KCNH7: variants seen among roughly 807,000 people sequenced by gnomAD.
KCNH7 encodes voltage-gated inwardly rectifying potassium channel KCNH7.
KCNH7 carries 49 observed loss-of-function variants against 120.8 expected under a neutral mutation model. The ratio of observed to expected loss-of-function variants is 0.41; its 90% CI spans 0.32 to 0.51. The LOEUF (loss-of-function observed/expected upper bound fraction) is 0.51, where lower values mean the gene tolerates loss of function less well. Ranked by LOEUF, KCNH7 falls within the 20% of genes least tolerant of loss-of-function variation. The pLI is 0.38. For synonymous variants in KCNH7, 547 were observed against 516.1 expected (o/e 1.06, Z -0.81); for missense variants, 1,097 against 1,446.6 (o/e 0.76, Z 3.92).
chr2:162,436,063 A>G (rs1024098166), intron 7 of KCNH7, among the ~76,000 whole-genome samples: 2 of 151,808 alleles, frequency 1.3e-5, no homozygotes, highest in Non-Finnish European at 2.9e-5. Flanking sequence ...GAGGAGAGAG[A>G]GATTTTTTAA....
Position 162,384,845 on chromosome 2 carries a change from T to C in KCNH7, c.2805A>G (p.Ser935=). ...CATCATCAATGGAGGAGATGAAAGATGAGGATCTGCTTTTTTTCTCTTCAA... is the reference window on the plus strand; with the variant it reads ...CATCATCAATGGAGGAGATGAAAGACGAGGATCTGCTTTTTTTCTCTTCAA... ...RHFEEKKSRS[S]SFISSIDDEQ... The change falls in exon 13 of 16, where the codon TCA becomes TCG. Residue 935 remains serine, a synonymous_variant. Transcript: ENST00000332142. The C allele has an allele frequency of 1.9e-6, 3 of 1,612,848 alleles. No homozygotes were observed. The highest frequency in any genetic ancestry group is 2.5e-6 in the Non-Finnish European group (3 of 1,179,102).
intron 2 of KCNH7, among the ~76,000 whole-genome samples, chr2:162,597,675 G>A (rs2105945362): frequency 6.6e-6 from 1 of 152,128 alleles, no homozygotes; most frequent in East Asian, 1.9e-4. Context: ...GTATTTCAAA[G>A]TTGCTAAAAG....
At chr2:162,378,044 T>C (rs1686274999) in intron 14 of KCNH7, among the ~76,000 whole-genome samples, 1 of 152,252 alleles carries the variant, frequency 6.6e-6, no homozygotes, top group East Asian at 1.9e-4. Flanking sequence ...AAAATCTCAA[T>C]TTTAGTTCTG....
chr2:162,756,577 A>C (rs1574347969), intron 2 of KCNH7, among the ~76,000 whole-genome samples: 1 of 152,046 alleles, frequency 6.6e-6, no homozygotes, highest in Admixed American at 6.6e-5. Context: ...GGATCCTTCC[A>C]CCTCAGCTTC....
chr2:162,497,066 A>G (rs1690520252), intron 6 of KCNH7: 1 of 152,212 alleles, frequency 6.6e-6, no homozygotes, highest in Non-Finnish European at 1.5e-5. Flanking sequence ...ATAATTTTAA[A>G]CATTAGCTAA....
chr2:162,727,183 T>A (rs1687559490), intron 2 of KCNH7, among the ~76,000 whole-genome samples: 1 of 152,200 alleles, frequency 6.6e-6, no homozygotes, highest in Non-Finnish European at 1.5e-5. Context: ...TAATAGCTTT[T>A]ATGCTCTCTA....
At chr2:162,442,518 G>A (rs1688455958) in intron 7 of KCNH7, among the ~76,000 whole-genome samples, 2 of 151,988 alleles carry the variant, frequency 1.3e-5, no homozygotes, top group African/African-American at 2.4e-5. Flanking sequence ...AATTGACATT[G>A]ACAAAATTAT....
intron 8 of KCNH7, among the ~76,000 whole-genome samples, chr2:162,429,783 CT>C (rs1688005101): frequency 1.3e-5 from 2 of 150,520 alleles, no homozygotes; most frequent in South Asian, 4.2e-4. Context: ...ATTCACTGGA[CT>C]TCTTGGATAT....
intron 6 of KCNH7, among the ~76,000 whole-genome samples, chr2:162,464,859 T>C (rs188767237): frequency 2.0e-4 from 31 of 152,184 alleles, no homozygotes; most frequent in African/African-American, 7.0e-4. Context: ...CTGTTCTATG[T>C]TGGCGTCTAA....
intron 6 of KCNH7, among the ~76,000 whole-genome samples, chr2:162,482,793 A>G (rs1574012647): frequency 6.6e-6 from 1 of 152,250 alleles, no homozygotes; most frequent in East Asian, 1.9e-4. Flanking sequence ...AGATTAATCA[A>G]AATCTTTCCA....
chr2:162,445,282 G>A (rs1002157527), intron 7 of KCNH7, among the ~76,000 whole-genome samples: 5 of 152,010 alleles, frequency 3.3e-5, no homozygotes, highest in African/African-American at 4.8e-5. Context: ...CCAACATATC[G>A]AGGATTTTTT....
chr2:162,580,809 A>G (rs1693841371), intron 2 of KCNH7, among the ~76,000 whole-genome samples: 1 of 152,064 alleles, frequency 6.6e-6, no homozygotes, highest in Admixed American at 6.6e-5. Flanking sequence ...AATAGAGGGC[A>G]CAAACTCAAG....
chr2:162,518,400 T>C (rs1278987461), intron 3 of KCNH7, among the ~76,000 whole-genome samples: 1 of 151,824 alleles, frequency 6.6e-6, no homozygotes, highest in African/African-American at 2.4e-5. Flanking sequence ...ATCAGTGACA[T>C]AAAAGTATTT....
In KCNH7 at chr2:162,474,856, T is replaced by C. The variant is rs1156744875; in HGVS notation, c.1129-28413A>G. ...ACAACTGCAGCCATAACTGACAGTG[T>C]GCACTCTCACACTCTCTCTTAGGCT... On this transcript the variant is annotated intron_variant, in intron 6 of 15. Coordinates refer to ENST00000332142, the MANE Select transcript of KCNH7 (RefSeq NM_033272.4). Among the ~76,000 whole-genome samples, 3 of 152,102 alleles carry C rather than the reference T, an allele frequency of 2.0e-5. No homozygotes were observed. In the South Asian group the frequency reaches 6.2e-4, roughly 32 times the overall value.
chr2:162,655,553 GA>G (rs1684721173), intron 2 of KCNH7, among the ~76,000 whole-genome samples: 1 of 152,076 alleles, frequency 6.6e-6, no homozygotes, highest in Non-Finnish European at 1.5e-5. Context: ...TTGGGAGACT[GA>G]GGTGGGCGGA....
At chr2:162,838,304 G>T in intron 1 of KCNH7, 139 bp downstream of exon 1, 1 of 648,434 alleles carries the variant, frequency 1.5e-6, no homozygotes, top group Non-Finnish European at 2.8e-6. Flanking sequence ...GCTGCCATTC[G>T]AACCTCCTGG....
chr2:162,549,792 T>A, intron 2 of KCNH7, among the ~76,000 whole-genome samples: 1 of 152,332 alleles, frequency 6.6e-6, no homozygotes, highest in East Asian at 1.9e-4. Context: ...TTGCTAGAGA[T>A]TAATAAAACA....
chr2:162,476,302 A>G (rs1243717968), intron 6 of KCNH7, among the ~76,000 whole-genome samples: 4 of 152,190 alleles, frequency 2.6e-5, no homozygotes, highest in Admixed American at 1.3e-4. Flanking sequence ...TCCAAGACAT[A>G]TTCATTATAC....
intron 2 of KCNH7, among the ~76,000 whole-genome samples, chr2:162,574,600 G>A (rs1693606964): frequency 6.6e-6 from 1 of 152,066 alleles, no homozygotes; most frequent in South Asian, 2.1e-4. Context: ...AGTATTCAAT[G>A]TTATGAATGC....
Sources: gnomAD v4.1 joint callset for allele counts (sites outside exome capture counted in the v4.1 genomes callset) on GRCh38, gnomAD v4.1.1 for gene constraint, MANE v1.5 for transcripts, NCBI Gene and HGNC (gene_info 2026-07-23, HGNC 2026-07-21) for gene names.